Variants in UNC13C observed in about 807,000 individuals in gnomAD.
UNC13C encodes the protein unc-13 homolog C.
A neutral mutation model predicts 245.4 loss-of-function variants in UNC13C; 174 were observed. That is an observed-to-expected ratio of 0.71 (90% CI 0.63 to 0.80). The LOEUF (loss-of-function observed/expected upper bound fraction) is 0.80, where lower values mean the gene tolerates loss of function less well. Ranked by LOEUF, UNC13C falls within the 30% of genes least tolerant of loss-of-function variation. The pLI is 0.00. For synonymous variants in UNC13C, 992 were observed against 895.1 expected, an observed-to-expected ratio of 1.11 and a Z score of -1.93; for missense variants, 2,829 against 2,602.9, an observed-to-expected ratio of 1.09 and a Z score of -1.89.
chr15:54,106,294 G>T (rs1891609483), intron 2 of UNC13C, among the ~76,000 whole-genome samples: 1 of 152,154 alleles, frequency 6.6e-6, no homozygotes, highest in African/African-American at 2.4e-5. Flanking sequence ...TTGTCAAAGT[G>T]ATAATTTCCT....
chr15:54,114,743 A>G (rs559624972), intron 2 of UNC13C, among the ~76,000 whole-genome samples: 1 of 152,278 alleles, frequency 6.6e-6, no homozygotes, highest in African/African-American at 2.4e-5. Flanking sequence ...AGCAAGTTTA[A>G]AACTTATTAG....
intron 1 of UNC13C, among the ~76,000 whole-genome samples, chr15:54,002,936 C>T (rs1237334249): frequency 6.6e-6 from 1 of 152,148 alleles, no homozygotes; most frequent in Non-Finnish European, 1.5e-5. Flanking sequence ...GGGTAGGAGG[C>T]CTGCGTTTTT....
the UNC13C span, among the ~76,000 whole-genome samples, chr15:53,937,003 G>A: frequency 6.6e-6 from 1 of 152,182 alleles, no homozygotes; most frequent in East Asian, 1.9e-4. Flanking sequence ...CACCTCTCCA[G>A]CAAGGGCACA....
At chr15:54,028,710 C>T (rs1050811040) in intron 2 of UNC13C, among the ~76,000 whole-genome samples, 6 of 26,352 alleles carry the variant, frequency 2.3e-4, no homozygotes, top group Non-Finnish European at 4.2e-4. Flanking sequence ...TTTTTTGAGA[C>T]GGAGTCTCGC....
chr15:54,263,237 G>T (rs1012392668), intron 8 of UNC13C, among the ~76,000 whole-genome samples: 8 of 152,088 alleles, frequency 5.3e-5, no homozygotes, highest in Non-Finnish European at 8.8e-5. Flanking sequence ...ACCAAAAAAA[G>T]TTTGATTTTA....
chr15:54,367,728 C>G (rs1596291368), intron 17 of UNC13C, among the ~76,000 whole-genome samples: 1 of 152,224 alleles, frequency 6.6e-6, no homozygotes, highest in East Asian at 1.9e-4. Flanking sequence ...TCAGTTAAAT[C>G]TTGGATTGTA....
At chr15:54,505,744 C>CGTTT (rs375652536) in intron 22 of UNC13C, among the ~76,000 whole-genome samples, 4 of 129,858 alleles carry the variant, frequency 3.1e-5, no homozygotes, top group African/African-American at 1.2e-4. Flanking sequence ...AAGCTATATT[C>CGTTT]TTTTTTTTTT....
intron 2 of UNC13C, among the ~76,000 whole-genome samples, chr15:54,137,795 C>T (rs376106100): frequency 1.8e-4 from 28 of 151,850 alleles, no homozygotes; most frequent in African/African-American, 5.8e-4. Context: ...CTATCTTTTC[C>T]ATTGTCATTG....
chr15:54,229,628 G>A (rs1183520827), intron 4 of UNC13C, among the ~76,000 whole-genome samples: 1 of 152,070 alleles, frequency 6.6e-6, no homozygotes, highest in Non-Finnish European at 1.5e-5. Context: ...TATTTATGGG[G>A]TGAGTACACT....
At chr15:54,136,665 T>C (rs2031749878) in intron 2 of UNC13C, among the ~76,000 whole-genome samples, 1 of 152,164 alleles carries the variant, frequency 6.6e-6, no homozygotes, top group Non-Finnish European at 1.5e-5. Context: ...CTGTCGAGTA[T>C]GATGTTAGCT....
At chr15:54,050,154 A>G (rs1240326549) in intron 2 of UNC13C, 1 of 393,806 alleles carries the variant, frequency 2.5e-6, no homozygotes, top group Non-Finnish European at 5.0e-6. Flanking sequence ...TATTTTTAGT[A>G]GAGACAGGGG....
intron 4 of UNC13C, among the ~76,000 whole-genome samples, chr15:54,176,894 G>A (rs1235412266): frequency 6.6e-6 from 1 of 152,000 alleles, no homozygotes; most frequent in Non-Finnish European, 1.5e-5. Context: ...AAATGCTACT[G>A]ATAAAGACTC....
At chr15:54,338,968 G>A (rs556593491) in intron 17 of UNC13C, among the ~76,000 whole-genome samples, 1 of 152,320 alleles carries the variant, frequency 6.6e-6, no homozygotes, top group South Asian at 2.1e-4. Context: ...CGGGGTTCAA[G>A]CGATTCTCCT....
rs563985457 is a variant in UNC13C at position 54,280,868 on chromosome 15, G to A, written c.3819-13027G>A. On this transcript the variant is annotated intron_variant, in intron 10 of 32. Transcript: ENST00000260323. The stretch of plus-strand genomic sequence containing the variant: ...GCTAGAGCACAATGGCGCAATCTCT[G>A]CTCATGGGAACCTCTGCCTCCCAGG... 4.2e-4 allele frequency among the ~76,000 whole-genome samples: 64 copies of A among 151,522 alleles called. 2 individuals are homozygous for A. In the South Asian group the frequency reaches 0.013, roughly 30 times the overall value.
At chr15:54,291,681 G>GTT (rs1391598749) in intron 10 of UNC13C, among the ~76,000 whole-genome samples, 4 of 151,908 alleles carry the variant, frequency 2.6e-5, no homozygotes, top group African/African-American at 9.7e-5. Context: ...ATTACCCCAT[G>GTT]TTATTTATAG....
At chr15:53,889,905 A>G in the UNC13C span, among the ~76,000 whole-genome samples, 2 of 152,190 alleles carry the variant, frequency 1.3e-5, no homozygotes, top group Non-Finnish European at 2.9e-5. Flanking sequence ...GATGAAGCCA[A>G]CTTGATCGTG....
intron 13 of UNC13C, among the ~76,000 whole-genome samples, chr15:54,302,241 G>A (rs2037604657): frequency 6.6e-6 from 1 of 152,096 alleles, no homozygotes; most frequent in African/African-American, 2.4e-5. Context: ...TCTGTAGGTT[G>A]CCTATTCACT....
At chr15:54,080,706 C>G (rs949846536) in intron 2 of UNC13C, among the ~76,000 whole-genome samples, 1 of 151,916 alleles carries the variant, frequency 6.6e-6, no homozygotes, top group African/African-American at 2.4e-5. Flanking sequence ...TGAATCTTCT[C>G]TCTTTTTCTT....
At chr15:54,479,454 A>T (rs1434410792) in intron 19 of UNC13C, among the ~76,000 whole-genome samples, 1 of 151,932 alleles carries the variant, frequency 6.6e-6, no homozygotes, top group Admixed American at 6.6e-5. Context: ...CATTCAGTCT[A>T]TATGTATCTT....
Sources: allele counts gnomAD v4.1 joint callset (sites outside exome capture counted in the v4.1 genomes callset), GRCh38; gene constraint gnomAD v4.1.1; transcripts MANE v1.5; gene names NCBI Gene and HGNC (gene_info 2026-07-23, HGNC 2026-07-21).